Variants in LGR6 observed in about 807,000 individuals in gnomAD.
The protein encoded by LGR6 is leucine rich repeat containing G protein-coupled receptor 6, also known as leucine-rich repeat-containing G protein-coupled receptor 6.
LGR6 carries 45 observed loss-of-function variants against 69.4 expected under a neutral mutation model. That is an observed-to-expected ratio of 0.65 (90% CI 0.51 to 0.83). LGR6 has a LOEUF of 0.83. LGR6 is among the 40% of genes least tolerant of loss of function. The pLI is 0.00. For missense variants in LGR6, 1,108 were observed against 1,246.7 expected (o/e 0.89, Z 1.68); for synonymous variants, 538 against 555.0 (o/e 0.97, Z 0.43).
chr1:202,268,508 A>G lies in LGR6; in HGVS notation c.429-7798A>G, dbSNP rs566970576. On this transcript the variant is annotated intron_variant, in intron 4 of 17. Transcript: ENST00000367278. The surrounding 1 kb of genome is among the most constrained non-coding windows in gnomAD (Gnocchi z 4.4). Reference sequence around the variant, plus strand: ...CTCCCCCTTCCACCCTCCATTCTGTACTCCAACCAGAGACTGAGATGTCCC... The same window carrying G: ...CTCCCCCTTCCACCCTCCATTCTGTGCTCCAACCAGAGACTGAGATGTCCC... Among the ~76,000 whole-genome samples, 94 of 147,082 alleles carry G rather than the reference A, an allele frequency of 6.4e-4. No individual in the cohort carries two copies. The highest frequency in any genetic ancestry group is 1.2e-3 in the Non-Finnish European group (79 of 66,896).
At chr1:202,312,094 A>C (rs1270396781) in intron 16 of LGR6, among the ~76,000 whole-genome samples, 2 of 152,210 alleles carry the variant, frequency 1.3e-5, no homozygotes, top group Non-Finnish European at 2.9e-5. Context: ...TAGGTCTTGG[A>C]GAACCACAGG....
intron 3 of LGR6, among the ~76,000 whole-genome samples, chr1:202,229,902 T>G (rs1660873955): frequency 6.6e-6 from 1 of 152,206 alleles, no homozygotes; most frequent in African/African-American, 2.4e-5. Context: ...AAGCAGAAGA[T>G]TCCACCTGCA....
In LGR6 at chr1:202,227,973, C is replaced by T; in HGVS notation, c.322C>T (p.Gln108Ter). ...SGNHLSHIPG[Q>*]AFSGLYSLKI... ...GAACCATCTCTCACACATCCCAGGACAAGCATTCTCTGGTCTCTACAGCCT... is the reference window on the plus strand; with the variant it reads ...GAACCATCTCTCACACATCCCAGGATAAGCATTCTCTGGTCTCTACAGCCT... The change falls in exon 3 of 18, where the codon CAA (glutamine) becomes TAA (stop). Residue 108 changes from glutamine to a stop codon, truncating the protein, a stop_gained. Coordinates refer to ENST00000367278, the MANE Select transcript of LGR6 (RefSeq NM_001017403.2). LOFTEE classifies it high-confidence loss of function. The T allele has an allele frequency of 6.2e-7, 1 of 1,613,810 alleles. No homozygotes were observed.
intron 1 of LGR6, among the ~76,000 whole-genome samples, chr1:202,214,467 T>G (rs1048473598): frequency 6.8e-6 from 1 of 147,682 alleles, no homozygotes; most frequent in Non-Finnish European, 1.5e-5. Flanking sequence ...CGGGCTGGGG[T>G]GGGCAGGGGC....
intron 6 of LGR6, among the ~76,000 whole-genome samples, chr1:202,296,022 C>T (rs1416536562): frequency 1.3e-5 from 2 of 152,078 alleles, no homozygotes; most frequent in Admixed American, 6.5e-5. Flanking sequence ...GACCCTGTCA[C>T]GCAGAGGAGC....
intron 4 of LGR6, among the ~76,000 whole-genome samples, chr1:202,239,190 C>T (rs1011606595): frequency 5.3e-5 from 8 of 152,102 alleles, no homozygotes; most frequent in African/African-American, 1.9e-4. Flanking sequence ...TGCTGGCGTA[C>T]GCAAGTAGCC....
chr1:202,261,476 TC>T (rs1664230654), intron 4 of LGR6, among the ~76,000 whole-genome samples: 1 of 152,206 alleles, frequency 6.6e-6, no homozygotes, highest in Non-Finnish European at 1.5e-5. Context: ...CTTAATCCAG[TC>T]TATCATTGTT....
At chr1:202,255,704 A>G (rs1216942066) in intron 4 of LGR6, among the ~76,000 whole-genome samples, 1 of 152,242 alleles carries the variant, frequency 6.6e-6, no homozygotes, top group Non-Finnish European at 1.5e-5. Context: ...CCACCCAGAC[A>G]CAATGCTTGT....
chr1:202,316,871 G>A (rs781157403), intron 17 of LGR6, among the ~76,000 whole-genome samples: 1 of 152,136 alleles, frequency 6.6e-6, no homozygotes, highest in Non-Finnish European at 1.5e-5. Context: ...GGTGATTTAG[G>A]AACAGACTTT....
rs974664495 is a variant in LGR6, at chr1:202,197,479, G to T, written c.212+3278G>T. On this transcript the variant is annotated intron_variant, in intron 1 of 17. Transcript: ENST00000367278. Reference sequence around the variant, plus strand: ...GCGAGGCTCATTGACACTCACCGGGGTTTTGACATTCTCCCTGGTTAGGGC... The same window carrying T: ...GCGAGGCTCATTGACACTCACCGGGTTTTTGACATTCTCCCTGGTTAGGGC... The T allele has an allele frequency of 5.6e-6, 3 of 532,982 alleles. No homozygotes were observed. The African/African-American group carries it at 5.8e-5, about 10-fold the overall frequency. 33.0% of individuals were successfully genotyped at this position (532,982 alleles called of 1,614,324 possible).
At position 202,281,270 on chromosome 1, in the gene LGR6, T is replaced by TG. The variant is rs765249086; in HGVS notation, c.716+419dup. On this transcript the variant is annotated intron_variant, in intron 6 of 17. Transcript: ENST00000367278. ...TTGACATCTGTGTAAGGGTGGCTGC[T>TG]GACAGAAGGAAGAGTAATACTGCAG... 5.9e-4 allele frequency among the ~76,000 whole-genome samples: 90 copies of TG among 152,180 alleles called. 1 individual carries two copies. The highest frequency in any genetic ancestry group is 1.8e-3 in the Admixed American group (28 of 15,284).
chr1:202,223,817 G>A lies in LGR6; in HGVS notation c.213-1606G>A, dbSNP rs543499026. 2.5e-5 allele frequency among the ~76,000 whole-genome samples: 3 copies of A among 121,868 alleles called. No individual in the cohort carries two copies. In the East Asian group the frequency reaches 7.8e-4, roughly 32 times the overall value. The allele number at this position is 121,868 out of a possible 152,430, so 80.0% of individuals were successfully genotyped here. A position where few individuals can be genotyped will look rare whatever the true frequency, so the allele number is the denominator to read the frequency against. Reference sequence around the variant, plus strand: ...CCTTCCATCTTTCCCTCAGTGTCCTGTGGGCAAGTGTCCCAGCCCCACAGG... The same window carrying A: ...CCTTCCATCTTTCCCTCAGTGTCCTATGGGCAAGTGTCCCAGCCCCACAGG... On this transcript the variant is annotated intron_variant, in intron 1 of 17. Coordinates refer to ENST00000367278, the MANE Select transcript of LGR6 (RefSeq NM_001017403.2).
At chr1:202,314,927 G>A in intron 17 of LGR6, 45 bp downstream of exon 17, 1 of 1,436,898 alleles carries the variant, frequency 7.0e-7, no homozygotes. Context: ...AATGGAGAAA[G>A]GGCACCCAAC....
rs1664815302 is a variant in LGR6 at position 202,268,150 on chromosome 1, C to T, written c.429-8156C>T. 6.6e-6 allele frequency among the ~76,000 whole-genome samples: 1 copy of T among 152,214 alleles called. No individual in the cohort carries two copies. The highest frequency in any genetic ancestry group is 6.5e-5 in the Admixed American group (1 of 15,284). ...TGTGTTCCCCAGTCGAGCAAGCCCT[C>T]CTGCCAAGCAGGGCCAGGACATGCC... On this transcript the variant is annotated intron_variant, in intron 4 of 17. Transcript: ENST00000367278. The surrounding 1 kb of genome is among the most constrained non-coding windows in gnomAD (Gnocchi z 4.4).
intron 3 of LGR6, among the ~76,000 whole-genome samples, chr1:202,228,926 G>T (rs753652883): frequency 9.2e-5 from 14 of 152,186 alleles, no homozygotes; most frequent in Non-Finnish European, 1.9e-4. Context: ...CCCCTGACTT[G>T]CAGGTCTCCT....
chr1:202,204,323 CCT>C, intron 1 of LGR6, among the ~76,000 whole-genome samples: 1 of 78,874 alleles, frequency 1.3e-5, no homozygotes, highest in African/African-American at 4.5e-5. Context: ...ACACACACCT[CCT>C]CCTAACACAC....
At chr1:202,280,986 C>T (rs1665960721) in intron 6 of LGR6, 134 bp downstream of exon 6, 1 of 684,236 alleles carries the variant, frequency 1.5e-6, no homozygotes, top group Admixed American at 2.9e-5. Flanking sequence ...CTTGTTTACC[C>T]ACATGCCCCT....
chr1:202,316,288 A>G (rs1179969842), intron 17 of LGR6, among the ~76,000 whole-genome samples: 3 of 152,192 alleles, frequency 2.0e-5, no homozygotes, highest in Admixed American at 6.5e-5. Context: ...TGTGATGGAA[A>G]GCAGAAGGGG....
intron 17 of LGR6, among the ~76,000 whole-genome samples, chr1:202,316,740 G>T (rs788797): frequency 6.6e-6 from 1 of 151,802 alleles, no homozygotes; most frequent in African/African-American, 2.4e-5. Context: ...TAATAAGAAA[G>T]AAAAGGTTTA....
Sources: gnomAD v4.1 joint callset for allele counts (sites outside exome capture counted in the v4.1 genomes callset) on GRCh38, gnomAD v4.1.1 for gene constraint, Gnocchi (gnomAD v3.1) non-coding constraint, MANE v1.5 for transcripts, NCBI Gene and HGNC (gene_info 2026-07-23, HGNC 2026-07-21) for gene names.